The following ZMYM2 variants were observed in gnomAD, a reference collection of about 807,000 sequenced individuals.
ZMYM2 encodes the protein zinc finger MYM-type protein 2.
A neutral mutation model predicts 162.8 loss-of-function variants in ZMYM2; 56 were observed. The observed-to-expected ratio is 0.34, with a 90% CI of 0.28 to 0.43. The LOEUF is 0.43. Ranked by LOEUF, ZMYM2 falls within the 20% of genes least tolerant of loss-of-function variation. ZMYM2 has a pLI of 1.00. For missense variants in ZMYM2, 1,275 were observed against 1,621.8 expected, an observed-to-expected ratio of 0.79 and a Z score of 3.67; for synonymous variants, 510 against 541.6, an observed-to-expected ratio of 0.94 and a Z score of 0.81.
chr13:20,015,788 G>T (rs909234179), intron 6 of ZMYM2, among the ~76,000 whole-genome samples: 9 of 151,768 alleles, frequency 5.9e-5, no homozygotes, highest in Non-Finnish European at 1.3e-4. Context: ...ATATTAATAT[G>T]GCAACCCCAA....
chr13:20,025,921 CTGAG>C (rs1458936406), intron 7 of ZMYM2: 1 of 152,088 alleles, frequency 6.6e-6, no homozygotes, highest in African/African-American at 2.4e-5. Flanking sequence ...ATTACAATCA[CTGAG>C]TGAAACATCG....
the ZMYM2 span, among the ~76,000 whole-genome samples, chr13:19,929,536 C>A: frequency 6.6e-6 from 1 of 152,184 alleles, no homozygotes; most frequent in African/African-American, 2.4e-5. Context: ...CCGCGCCCAG[C>A]CTTCTCCTTT....
At chr13:20,069,485 A>T (rs1346489648) in intron 21 of ZMYM2, among the ~76,000 whole-genome samples, 1 of 150,608 alleles carries the variant, frequency 6.6e-6, no homozygotes. Context: ...GTTGACTGAG[A>T]ATTTTTTCAA....
At chr13:20,080,490 T>C (rs1264963034) in intron 21 of ZMYM2, among the ~76,000 whole-genome samples, 1 of 151,932 alleles carries the variant, frequency 6.6e-6, no homozygotes, top group Non-Finnish European at 1.5e-5. Context: ...AATATCTGTC[T>C]CTTTTTTTTT....
At chr13:20,039,828 A>G (rs909126178) in intron 12 of ZMYM2, among the ~76,000 whole-genome samples, 4 of 152,184 alleles carry the variant, frequency 2.6e-5, no homozygotes, top group African/African-American at 9.7e-5. Flanking sequence ...CCTTTTCTGC[A>G]TCTATTGAGA....
At chr13:20,051,626 A>C (rs1431268102) in intron 13 of ZMYM2, 28 bp downstream of exon 13, 23 of 1,593,326 alleles carry the variant, frequency 1.4e-5, no homozygotes, top group Non-Finnish European at 1.9e-5. Context: ...TGATAACTTG[A>C]AAACCCTGTA....
chr13:19,993,377 C>T lies in ZMYM2; in HGVS notation c.305C>T (p.Ser102Phe), dbSNP rs1479135182. The change falls in exon 3 of 25, where the codon TCC becomes TTC. Residue 102 changes from serine to phenylalanine, a missense_variant. Transcript: ENST00000610343. The part of the protein sequence containing the change: ...LQGNDSKITP[S>F]SKELASQKGS... Reference sequence around the variant, plus strand: ...GGAAATGATTCCAAAATTACTCCTTCCTCAAAAGAGTTGGCATCTCAGAAG... The same window carrying T: ...GGAAATGATTCCAAAATTACTCCTTTCTCAAAAGAGTTGGCATCTCAGAAG... 6.2e-7 allele frequency: 1 copy of T among 1,613,676 alleles called. No individual in the cohort carries two copies. Among genetic ancestry groups the T allele is most frequent in the South Asian group, 1.1e-5 (1 of 91,024 alleles).
At chr13:19,966,670 A>AC (rs1340009403) in intron 2 of ZMYM2, among the ~76,000 whole-genome samples, 1 of 151,770 alleles carries the variant, frequency 6.6e-6, no homozygotes, top group Non-Finnish European at 1.5e-5. Context: ...TGAACTCCTG[A>AC]CCTCAGGTGA....
At chr13:19,979,555 A>G (rs1022826305) in intron 2 of ZMYM2, among the ~76,000 whole-genome samples, 1 of 152,012 alleles carries the variant, frequency 6.6e-6, no homozygotes, top group African/African-American at 2.4e-5. Context: ...GAGAAAAGAG[A>G]AAATGGTCAT....
Position 19,980,752 on chromosome 13 carries a change from CAAAA to C in ZMYM2, c.-10-12290_-10-12287del, listed in dbSNP as rs914320015. Among the ~76,000 whole-genome samples, 22 of 31,226 alleles carry C rather than the reference CAAAA, an allele frequency of 7.0e-4. No homozygotes were observed. In the South Asian group the frequency reaches 0.02, roughly 28 times the overall value. The allele number at this position is 31,226 out of a possible 152,430, so 20.5% of individuals were successfully genotyped here. ...TGGGTGACAGAGCGAGACTCCATCT[CAAAA>C]AAAAAAAAAAAAAAAAAAAAGAATT... On this transcript the variant is annotated intron_variant, in intron 2 of 24. Coordinates refer to ENST00000610343, the MANE Select transcript of ZMYM2 (RefSeq NM_197968.4).
the ZMYM2 span, among the ~76,000 whole-genome samples, chr13:19,944,565 G>T: frequency 6.6e-6 from 1 of 152,214 alleles, no homozygotes; most frequent in Admixed American, 6.5e-5. Flanking sequence ...TGGTAACAGT[G>T]GTTGTCTCTG....
At chr13:19,972,751 A>G (rs1490351467) in intron 2 of ZMYM2, among the ~76,000 whole-genome samples, 1 of 152,028 alleles carries the variant, frequency 6.6e-6, no homozygotes, top group Non-Finnish European at 1.5e-5. Flanking sequence ...GATAACTGCC[A>G]AATTGCCCTC....
chr13:19,925,405 T>C, the ZMYM2 span, among the ~76,000 whole-genome samples: 1 of 152,208 alleles, frequency 6.6e-6, no homozygotes, highest in South Asian at 2.1e-4. Context: ...TATGCTTTTT[T>C]CCCTTAAATG....
intron 2 of ZMYM2, among the ~76,000 whole-genome samples, chr13:19,990,038 G>C (rs1210185008): frequency 4.0e-5 from 6 of 151,714 alleles, no homozygotes; most frequent in Admixed American, 2.6e-4. Flanking sequence ...TTTCCCTCTT[G>C]TTCCCACATA....
At chr13:19,870,591 CCTTCCTTTCTTT>C in the ZMYM2 span, among the ~76,000 whole-genome samples, 2 of 141,510 alleles carry the variant, frequency 1.4e-5, no homozygotes, top group African/African-American at 5.3e-5. Context: ...TTCCTTCCTT[CCTTCCTTTCTTT>C]CTTTCTTTCC....
intron 6 of ZMYM2, among the ~76,000 whole-genome samples, chr13:20,011,637 T>C (rs1444458956): frequency 2.0e-5 from 3 of 149,808 alleles, no homozygotes; most frequent in Non-Finnish European, 3.0e-5. Context: ...TGGAGTGCAA[T>C]GGCACGATCT....
intron 21 of ZMYM2, among the ~76,000 whole-genome samples, chr13:20,075,406 C>T (rs1323985812): frequency 6.6e-6 from 1 of 152,040 alleles, no homozygotes; most frequent in Non-Finnish European, 1.5e-5. Flanking sequence ...GGAGCTCGGC[C>T]TTATTTTTTC....
chr13:20,061,275 T>G, intron 17 of ZMYM2, 51 bp downstream of exon 17: 2 of 1,573,746 alleles, frequency 1.3e-6, no homozygotes, highest in Non-Finnish European at 1.7e-6. Context: ...ATTGGTTATT[T>G]ATAAGTATTG....
chr13:19,987,658 T>TGTGC (rs56172426), intron 2 of ZMYM2, among the ~76,000 whole-genome samples: 1 of 148,494 alleles, frequency 6.7e-6, no homozygotes, highest in African/African-American at 2.5e-5. Flanking sequence ...TGTGTGTGTG[T>TGTGC]ATAGGAAAGA....
Sources: gnomAD v4.1 joint callset for allele counts (sites outside exome capture counted in the v4.1 genomes callset) on GRCh38, gnomAD v4.1.1 for gene constraint, MANE v1.5 for transcripts, NCBI Gene and HGNC (gene_info 2026-07-23, HGNC 2026-07-21) for gene names.